GPBP1: variants seen among roughly 807,000 people sequenced by gnomAD.
GPBP1 encodes the protein vasculin.
Under a neutral mutation model 56.5 loss-of-function variants are expected in GPBP1, and 13 were observed. The ratio of observed to expected loss-of-function variants is 0.23; its 90% CI spans 0.15 to 0.37. The LOEUF is 0.37. Among genes scored for constraint, GPBP1 ranks in the 10% least tolerant of loss-of-function variants. GPBP1 has a pLI of 1.00. For synonymous variants in GPBP1, 204 were observed against 188.9 expected (o/e 1.08, Z -0.66); for missense variants, 477 against 572.3 (o/e 0.83, Z 1.70).
intron 3 of GPBP1, among the ~76,000 whole-genome samples, chr5:57,228,231 C>A (rs1176940649): frequency 1.3e-5 from 2 of 152,114 alleles, no homozygotes; most frequent in Non-Finnish European, 2.9e-5. Flanking sequence ...CCAAGGCGGG[C>A]AGATCACAAG....
At chr5:57,217,344 G>A (rs1226560344) in intron 3 of GPBP1, among the ~76,000 whole-genome samples, 1 of 151,838 alleles carries the variant, frequency 6.6e-6, no homozygotes, top group Non-Finnish European at 1.5e-5. Context: ...AGGCCGAGGC[G>A]GGCGGATCAC....
At chr5:57,180,748 G>A (rs913072719) in intron 2 of GPBP1, among the ~76,000 whole-genome samples, 3 of 152,054 alleles carry the variant, frequency 2.0e-5, no homozygotes, top group Non-Finnish European at 4.4e-5. Flanking sequence ...TTTTTTTGGG[G>A]TTTTTTGTTT....
chr5:57,230,716 T>C (rs776852853), intron 3 of GPBP1, 130 bp from the exon 4 acceptor site: 17 of 794,010 alleles, frequency 2.1e-5, no homozygotes, highest in Non-Finnish European at 3.3e-5. Context: ...ATCAAATACC[T>C]TGAAAATAAC....
chr5:57,210,055 TTGAG>T (rs1213129289), intron 2 of GPBP1, among the ~76,000 whole-genome samples: 1 of 152,192 alleles, frequency 6.6e-6, no homozygotes, highest in Non-Finnish European at 1.5e-5. Context: ...TGAAATCAAT[TTGAG>T]TAAGTTTTTC....
chr5:57,226,483 C>T (rs1050346029), intron 3 of GPBP1, among the ~76,000 whole-genome samples: 20 of 151,486 alleles, frequency 1.3e-4, no homozygotes, highest in African/African-American at 4.4e-4. Flanking sequence ...TCAAATTCAG[C>T]CAAGAATGTA....
At chr5:57,251,601 C>T (rs1332860551) in intron 10 of GPBP1, among the ~76,000 whole-genome samples, 1 of 145,476 alleles carries the variant, frequency 6.9e-6, no homozygotes, top group East Asian at 2.0e-4. Flanking sequence ...TAACAGTAGG[C>T]TCTAGTCCAA....
intron 3 of GPBP1, among the ~76,000 whole-genome samples, chr5:57,223,416 C>T (rs1022543382): frequency 2.6e-5 from 4 of 152,036 alleles, no homozygotes; most frequent in Non-Finnish European, 4.4e-5. Flanking sequence ...ATACTCTTTC[C>T]AGAAGTTTGT....
intron 3 of GPBP1, 177 bp from the exon 4 acceptor site, chr5:57,230,669 T>A (rs1364585801): frequency 9.6e-6 from 6 of 627,982 alleles, no homozygotes; most frequent in African/African-American, 1.9e-5. Context: ...TAGAAGAAAA[T>A]GGACCATCGG....
At chr5:57,248,806 T>A (rs1372499870) in intron 8 of GPBP1, 4 of 152,210 alleles carry the variant, frequency 2.6e-5, no homozygotes. Flanking sequence ...CTGCTAAGAT[T>A]AGTTATAATA....
At chr5:57,222,440 C>G (rs1755992326) in intron 3 of GPBP1, among the ~76,000 whole-genome samples, 1 of 152,078 alleles carries the variant, frequency 6.6e-6, no homozygotes, top group African/African-American at 2.4e-5. Flanking sequence ...GACTAGGTTT[C>G]AGAAGTGAAA....
chr5:57,230,149 C>T (rs997623948), intron 3 of GPBP1, among the ~76,000 whole-genome samples: 1 of 152,048 alleles, frequency 6.6e-6, no homozygotes, highest in Non-Finnish European at 1.5e-5. Flanking sequence ...GTCAGCTGGT[C>T]TCGAACTCCC....
chr5:57,250,837 G>T, intron 9 of GPBP1, 117 bp from the exon 10 acceptor site: 1 of 698,028 alleles, frequency 1.4e-6, no homozygotes, highest in Non-Finnish European at 2.3e-6. Context: ...GAGCCACTGC[G>T]CCTGGCCGCA....
chr5:57,245,170 T>C (rs1447719445), intron 6 of GPBP1, among the ~76,000 whole-genome samples: 1 of 152,250 alleles, frequency 6.6e-6, no homozygotes, highest in Non-Finnish European at 1.5e-5. Flanking sequence ...TTGGGCTTTT[T>C]TTAGACCGTC....
At chr5:57,189,863 TC>T (rs1754443820) in intron 2 of GPBP1, among the ~76,000 whole-genome samples, 1 of 152,184 alleles carries the variant, frequency 6.6e-6, no homozygotes, top group African/African-American at 2.4e-5. Flanking sequence ...TTATATTTGT[TC>T]CCTCTTCTCT....
At chr5:57,181,846 T>C (rs1164659560) in intron 2 of GPBP1, among the ~76,000 whole-genome samples, 1 of 152,252 alleles carries the variant, frequency 6.6e-6, no homozygotes, top group African/African-American at 2.4e-5. Flanking sequence ...TGGTTACTGG[T>C]AAACTGTTTT....
At chr5:57,252,593 A>G (rs559315255) in intron 10 of GPBP1, among the ~76,000 whole-genome samples, 10 of 152,004 alleles carry the variant, frequency 6.6e-5, no homozygotes, top group East Asian at 1.9e-4. Flanking sequence ...GGGTTTCACT[A>G]TGTTGCGTAG....
chr5:57,243,460 T>TCG (rs1334667565), intron 6 of GPBP1, among the ~76,000 whole-genome samples: 2 of 152,154 alleles, frequency 1.3e-5, no homozygotes, highest in Non-Finnish European at 2.9e-5. Flanking sequence ...CATCTCTTAC[T>TCG]CTGCTACCTA....
chr5:57,250,437 A>G (rs574224892), intron 9 of GPBP1, among the ~76,000 whole-genome samples: 1 of 151,810 alleles, frequency 6.6e-6, no homozygotes, highest in South Asian at 2.1e-4. Context: ...TTAATTTTGC[A>G]TTTGTTGTAT....
rs1755853391 is a variant in GPBP1 at position 57,219,428 on chromosome 5, A to AAC, written c.63+5236_63+5237insCA. ...ACCAAAAACAAACAAACAAAAAAAA[A>AAC]AACAACAAAACCACACACACAAAAA... On this transcript the variant is annotated intron_variant, in intron 3 of 11. Transcript: ENST00000506184. 4.0e-5 allele frequency among the ~76,000 whole-genome samples: 6 copies of AAC among 149,102 alleles called. No homozygotes were observed. In the South Asian group the frequency reaches 1.1e-3, roughly 26 times the overall value.
Sources: gnomAD v4.1 joint callset for allele counts (sites outside exome capture counted in the v4.1 genomes callset) on GRCh38, gnomAD v4.1.1 for gene constraint, MANE v1.5 for transcripts, NCBI Gene and HGNC (gene_info 2026-07-23, HGNC 2026-07-21) for gene names.